Variants in CALD1 observed in about 807,000 individuals in gnomAD.
CALD1 encodes the protein caldesmon.
CALD1 carries 33 observed loss-of-function variants against 99.9 expected under a neutral mutation model. The ratio of observed to expected loss-of-function variants is 0.33; its 90% CI spans 0.25 to 0.44. CALD1 has a LOEUF of 0.44. Among genes scored for constraint, CALD1 ranks in the 20% least tolerant of loss-of-function variants. The probability of loss-of-function intolerance (pLI) is 1.00; values close to 1 mark genes in which losing one functional copy is unlikely to be tolerated. For synonymous variants in CALD1, 310 were observed against 325.0 expected (o/e 0.95, Z 0.50); for missense variants, 861 against 962.1 (o/e 0.89, Z 1.39).
chr7:134,905,461 C>A (rs1210072844), intron 3 of CALD1, among the ~76,000 whole-genome samples: 1 of 152,074 alleles, frequency 6.6e-6, no homozygotes, highest in Non-Finnish European at 1.5e-5. Flanking sequence ...CCTGCTTGGA[C>A]GTGTGTAAGA....
intron 3 of CALD1, among the ~76,000 whole-genome samples, chr7:134,887,676 G>A (rs2132473841): frequency 6.6e-6 from 1 of 151,966 alleles, no homozygotes; most frequent in South Asian, 2.1e-4. Context: ...GCGTATGCAT[G>A]CATGTGTGTG....
At chr7:134,864,175 C>A (rs1352983069) in intron 2 of CALD1, among the ~76,000 whole-genome samples, 1 of 151,966 alleles carries the variant, frequency 6.6e-6, no homozygotes, top group East Asian at 1.9e-4. Context: ...ACGGTGAAAC[C>A]CCGTCTCTAC....
upstream of CALD1, among the ~76,000 whole-genome samples, chr7:134,777,385 C>A (rs961960365): frequency 1.3e-5 from 2 of 152,178 alleles, no homozygotes; most frequent in African/African-American, 2.4e-5. Context: ...TGGAAACATA[C>A]TATTTTTTTT....
intron 1 of CALD1, among the ~76,000 whole-genome samples, chr7:134,746,326 A>C (rs996889090): frequency 6.6e-6 from 1 of 152,226 alleles, no homozygotes; most frequent in Non-Finnish European, 1.5e-5. Context: ...TCCAGAAAGC[A>C]GACCTGCACC....
In CALD1 at chr7:134,747,439, G is replaced by T. The variant is rs1452907; in HGVS notation, c.-130+3076G>T. 2.4e-3 allele frequency among the ~76,000 whole-genome samples: 359 copies of T among 152,340 alleles called. 1 individual carries two copies. Among genetic ancestry groups the T allele is most frequent in the African/African-American group, 8.1e-3 (336 of 41,566 alleles). On this transcript the variant is annotated intron_variant, in intron 1 of 13. Transcript: ENST00000417172. The stretch of plus-strand genomic sequence containing the variant: ...TCCAGAAAACAGCAGTAAGATTCGT[G>T]ATGCCAAGGAAGGGTGGACTATGTA...
At chr7:134,892,965 A>C (rs971104843) in intron 3 of CALD1, among the ~76,000 whole-genome samples, 1 of 152,012 alleles carries the variant, frequency 6.6e-6, no homozygotes, top group African/African-American at 2.4e-5. Flanking sequence ...ATCTCATTGA[A>C]AGCCTTCATT....
At chr7:134,733,296 T>C in the CALD1 span, among the ~76,000 whole-genome samples, 1 of 152,184 alleles carries the variant, frequency 6.6e-6, no homozygotes, top group East Asian at 1.9e-4. Flanking sequence ...GGTTCCTTTC[T>C]GAAAAGTTAG....
At chr7:134,747,208 G>T (rs997332374) in intron 1 of CALD1, among the ~76,000 whole-genome samples, 4 of 152,196 alleles carry the variant, frequency 2.6e-5, no homozygotes, top group South Asian at 2.1e-4. Context: ...AAAGATAGAA[G>T]AAGTGACTCA....
rs1798032168 is a variant in CALD1 at position 134,803,730 on chromosome 7, G to A, written c.-130+23981G>A. Among the ~76,000 whole-genome samples, 4 of 141,924 alleles carry A rather than the reference G, an allele frequency of 2.8e-5. No homozygotes were observed. In the South Asian group the frequency reaches 8.8e-4, roughly 31 times the overall value. The allele number at this position is 141,924 out of a possible 152,430, so 93.1% of individuals were successfully genotyped here. A position where few individuals can be genotyped will look rare whatever the true frequency, so the allele number is the denominator to read the frequency against. ...TTTTTTTTTTTGAGACAGTCTCACT[G>A]TGTCACCCAGGCTGGAGTGCAGTGG... On this transcript the variant is annotated intron_variant, in intron 1 of 14. Transcript: ENST00000361675.
At chr7:134,898,861 C>G (rs950072744) in intron 3 of CALD1, among the ~76,000 whole-genome samples, 1 of 152,154 alleles carries the variant, frequency 6.6e-6, no homozygotes, top group Non-Finnish European at 1.5e-5. Flanking sequence ...GGCCATTTTT[C>G]TGGTTTTAAA....
chr7:134,798,119 T>TA (rs1797815960), intron 1 of CALD1, among the ~76,000 whole-genome samples: 1 of 152,174 alleles, frequency 6.6e-6, no homozygotes, highest in Admixed American at 6.5e-5. Context: ...TTAAGCCCCT[T>TA]AAAATAGAAA....
At chr7:134,773,033 T>C (rs1376087225) in intron 1 of CALD1, among the ~76,000 whole-genome samples, 4 of 152,246 alleles carry the variant, frequency 2.6e-5, no homozygotes, top group East Asian at 3.8e-4. Flanking sequence ...AACTTGATAA[T>C]TTCAGAATGA....
At chr7:134,936,783 A>G (rs1806015421) in intron 6 of CALD1, among the ~76,000 whole-genome samples, 1 of 152,226 alleles carries the variant, frequency 6.6e-6, no homozygotes, top group African/African-American at 2.4e-5. Flanking sequence ...GTTAAGATGT[A>G]TGTTCCTCTG....
At position 134,933,310 on chromosome 7, in the gene CALD1, G is replaced by A. The variant is rs1397787585; in HGVS notation, c.541G>A (p.Glu181Lys). The A allele has an allele frequency of 6.2e-7, 1 of 1,603,858 alleles. No individual in the cohort carries two copies. The highest frequency in any genetic ancestry group is 1.7e-5 in the Admixed American group (1 of 59,268). Residue 181 changes from glutamate (E) to lysine (K), a missense_variant, in exon 5 of 15, where the codon GAA becomes AAA. Glu to Lys is a moderately conservative substitution (Grantham distance 56). This residue lies in a region of CALD1 where 234 missense variants were observed against 233.1 expected (regional missense o/e 1.00). Coordinates refer to ENST00000361675, the MANE Select transcript of CALD1 (RefSeq NM_033138.4). ...SYQKNDWRDA[E>K]ENKKEDKEKE... is the part of the protein sequence containing the mutation. ...CCAGAAGAATGATTGGAGGGATGCT[G>A]AAGAAAACAAGAAAGAAGACAAGGA...
chr7:134,937,742 G>A (rs148896512), intron 6 of CALD1, among the ~76,000 whole-genome samples: 4 of 151,772 alleles, frequency 2.6e-5, no homozygotes, highest in Non-Finnish European at 2.9e-5. Context: ...CAAACATCAC[G>A]TGAGCCTTCT....
intron 1 of CALD1, among the ~76,000 whole-genome samples, chr7:134,792,053 G>T (rs1486919846): frequency 6.6e-6 from 1 of 152,212 alleles, no homozygotes; most frequent in East Asian, 1.9e-4. Context: ...TTCAAGGTGA[G>T]ATTTGGGTGG....
chr7:134,742,046 CAG>C (rs1554420564), upstream of CALD1, among the ~76,000 whole-genome samples: 138 of 151,872 alleles, frequency 9.1e-4, no homozygotes, highest in Non-Finnish European at 1.4e-3. Flanking sequence ...CACACACACA[CAG>C]ACACACACAT....
intron 13 of CALD1, 158 bp from the exon 14 acceptor site, chr7:134,965,148 C>T (rs796171320): frequency 3.4e-6 from 2 of 593,504 alleles, no homozygotes; most frequent in South Asian, 2.0e-5. Flanking sequence ...AATCAAACAA[C>T]AGCTGATGGT....
At chr7:134,882,019 G>A (rs1490124411) in intron 3 of CALD1, among the ~76,000 whole-genome samples, 4 of 152,176 alleles carry the variant, frequency 2.6e-5, no homozygotes, top group Middle Eastern at 3.2e-3. Flanking sequence ...TCTATTTTAT[G>A]TTTATTTGTT....
Sources: gnomAD v4.1 joint callset for allele counts (sites outside exome capture counted in the v4.1 genomes callset) on GRCh38, gnomAD v4.1.1 for gene constraint, gnomAD v4.1.1 regional missense constraint, MANE v1.5 for transcripts, NCBI Gene and HGNC (gene_info 2026-07-23, HGNC 2026-07-21) for gene names.